The following CSMD1 variants were observed in gnomAD, a reference collection of about 807,000 sequenced individuals.
The protein encoded by CSMD1 is CUB and Sushi multiple domains 1.
A neutral mutation model predicts 417.5 loss-of-function variants in CSMD1; 213 were observed. That is an observed-to-expected ratio of 0.51 (90% CI 0.46 to 0.57). CSMD1 has a LOEUF of 0.57. CSMD1 is among the 20% of genes least tolerant of loss of function. The pLI, the probability that CSMD1 is intolerant of heterozygous loss-of-function variation, is 0.00. For synonymous variants in CSMD1, 2,862 were observed against 1,736.8 expected, an observed-to-expected ratio of 1.65 and a Z score of -16.11; for missense variants, 6,923 against 4,529.7, an observed-to-expected ratio of 1.53 and a Z score of -15.17.
chr8:4,864,113 A>G (rs1001655956), intron 1 of CSMD1, among the ~76,000 whole-genome samples: 3 of 151,814 alleles, frequency 2.0e-5, no homozygotes, highest in African/African-American at 7.3e-5. Flanking sequence ...ATTATAGTTG[A>G]AAACTTTGTC....
At chr8:4,068,746 G>A (rs149398194) in intron 3 of CSMD1, among the ~76,000 whole-genome samples, 4 of 152,072 alleles carry the variant, frequency 2.6e-5, no homozygotes, top group Non-Finnish European at 5.9e-5. Context: ...GTGTATTTCT[G>A]TACCATAAAA....
chr8:3,802,012 A>ATGAC (rs773647403), intron 5 of CSMD1, among the ~76,000 whole-genome samples: 1 of 152,150 alleles, frequency 6.6e-6, no homozygotes, highest in Non-Finnish European at 1.5e-5. Flanking sequence ...TCGGATTGTG[A>ATGAC]TGACTGCACG....
chr8:3,400,004 A>G (rs978682362), intron 15 of CSMD1, among the ~76,000 whole-genome samples: 1 of 152,242 alleles, frequency 6.6e-6, no homozygotes. Flanking sequence ...AAATAGCCAC[A>G]TGCAACATAT....
At chr8:3,295,894 C>A (rs140143901) in intron 25 of CSMD1, among the ~76,000 whole-genome samples, 3 of 152,022 alleles carry the variant, frequency 2.0e-5, no homozygotes, top group African/African-American at 4.8e-5. Context: ...AACATTTACT[C>A]GGCACCAAGA....
At position 3,454,134 on chromosome 8, in the gene CSMD1, C is replaced by A. The variant is rs185966959; in HGVS notation, c.1561+14578G>T. ...GTTTTATCAGAGACTAGGATTGCAACCCCTGCCTTTTTTTGTTTTCCATTT... is the reference window on the plus strand; with the variant it reads ...GTTTTATCAGAGACTAGGATTGCAAACCCTGCCTTTTTTTGTTTTCCATTT... On this transcript the variant is annotated intron_variant, in intron 12 of 69. Transcript: ENST00000635120. Among the ~76,000 whole-genome samples the A allele has an allele frequency of 5.3e-5, 8 of 152,192 alleles. No individual in the cohort carries two copies. In the East Asian group the frequency reaches 1.4e-3, roughly 26 times the overall value.
intron 5 of CSMD1, among the ~76,000 whole-genome samples, chr8:3,920,523 C>T (rs184550328): frequency 3.9e-4 from 59 of 152,084 alleles, no homozygotes; most frequent in Admixed American, 9.8e-4. Context: ...ATATTAAGTA[C>T]GTTTGGCACG....
intron 1 of CSMD1, among the ~76,000 whole-genome samples, chr8:4,850,007 G>T (rs562772628): frequency 3.3e-5 from 5 of 152,248 alleles, no homozygotes; most frequent in South Asian, 2.1e-4. Flanking sequence ...AGACATGCGG[G>T]TTCTAATTTC....
intron 5 of CSMD1, among the ~76,000 whole-genome samples, chr8:3,843,750 T>G (rs904717700): frequency 2.6e-5 from 4 of 152,158 alleles, no homozygotes; most frequent in African/African-American, 4.8e-5. Flanking sequence ...CGGGAAATGT[T>G]TTAAAGCATT....
At chr8:4,974,147 G>A (rs887745520) in intron 1 of CSMD1, among the ~76,000 whole-genome samples, 1 of 151,544 alleles carries the variant, frequency 6.6e-6, no homozygotes, top group Non-Finnish European at 1.5e-5. Flanking sequence ...CTCCCGAGTA[G>A]CTGAGATTAC....
chr8:3,194,610 A>C (rs1448772823), intron 33 of CSMD1, among the ~76,000 whole-genome samples: 1 of 148,684 alleles, frequency 6.7e-6, no homozygotes. Flanking sequence ...GGCACATGCC[A>C]CCACACTTGG....
At chr8:3,736,277 T>G (rs889378178) in intron 6 of CSMD1, among the ~76,000 whole-genome samples, 1 of 152,204 alleles carries the variant, frequency 6.6e-6, no homozygotes, top group South Asian at 2.1e-4. Context: ...GGTCTCACTG[T>G]GTCACCCAGG....
In CSMD1 at chr8:4,994,481, G is replaced by C; in HGVS notation, c.-65C>G. ...CTCCGAGGAAGGCAGGGCTATGAGC[G>C]GAGCCAAATAATCACCCGAGGGCAA... On this transcript the variant is annotated 5_prime_UTR_variant, in exon 1 of 70. Transcript: ENST00000635120. 1 of 1,450,982 alleles carries C rather than the reference G, an allele frequency of 6.9e-7. No individual in the cohort carries two copies. Among genetic ancestry groups the C allele is most frequent in the Non-Finnish European group, 9.5e-7 (1 of 1,047,956 alleles). 89.9% of individuals were successfully genotyped at this position (1,450,982 alleles called of 1,614,324 possible).
chr8:4,532,112 TCA>T (rs1796850084), intron 2 of CSMD1, among the ~76,000 whole-genome samples: 1 of 137,468 alleles, frequency 7.3e-6, no homozygotes. Flanking sequence ...GCACCGCCAT[TCA>T]CAGTCACTCC....
intron 11 of CSMD1, among the ~76,000 whole-genome samples, chr8:3,484,568 A>C (rs1200301252): frequency 6.6e-6 from 1 of 152,242 alleles, no homozygotes; most frequent in Non-Finnish European, 1.5e-5. Flanking sequence ...ACTGGCCTTT[A>C]TGGGAAAGCC....
intron 65 of CSMD1, among the ~76,000 whole-genome samples, chr8:2,953,791 G>GA (rs1216854901): frequency 6.6e-6 from 1 of 152,144 alleles, no homozygotes; most frequent in African/African-American, 2.4e-5. Flanking sequence ...GAGACACTTG[G>GA]AAAAAAATTG....
chr8:4,623,801 T>C lies in CSMD1; in HGVS notation c.302+13541A>G, dbSNP rs376719603. Among the ~76,000 whole-genome samples the C allele has an allele frequency of 2.2e-4, 34 of 152,138 alleles. No individual in the cohort carries two copies. The South Asian group carries it at 6.0e-3, about 27-fold the overall frequency. On this transcript the variant is annotated intron_variant, in intron 2 of 69. Coordinates refer to ENST00000635120, the MANE Select transcript of CSMD1 (RefSeq NM_033225.6). ...TATTTCAAAAAAGCAAACTAATTCA[T>C]AGTGACAGAAAACAGTTCAGTGGTG...
intron 5 of CSMD1, among the ~76,000 whole-genome samples, chr8:3,945,785 G>C (rs1376923453): frequency 6.6e-6 from 1 of 152,074 alleles, no homozygotes; most frequent in East Asian, 1.9e-4. Flanking sequence ...AAGTAGATGA[G>C]AAGCAATTTC....
chr8:3,376,153 A>G (rs553038336), intron 18 of CSMD1, among the ~76,000 whole-genome samples: 2 of 152,264 alleles, frequency 1.3e-5, no homozygotes, highest in Admixed American at 6.5e-5. Context: ...ATGCTTGTGG[A>G]GAGAGTAAAC....
At chr8:4,993,451 T>C (rs1184275076) in intron 1 of CSMD1, among the ~76,000 whole-genome samples, 1 of 128,948 alleles carries the variant, frequency 7.8e-6, no homozygotes, top group Non-Finnish European at 1.9e-5. Flanking sequence ...TCCCGGAGAA[T>C]AAACAAGTAC....
Sources: allele counts gnomAD v4.1 joint callset (sites outside exome capture counted in the v4.1 genomes callset), GRCh38; gene constraint gnomAD v4.1.1; transcripts MANE v1.5; gene names NCBI Gene and HGNC (gene_info 2026-07-23, HGNC 2026-07-21).